The following PTPRT variants were observed in gnomAD, a reference collection of about 807,000 sequenced individuals.
PTPRT encodes protein tyrosine phosphatase receptor type T.
A neutral mutation model predicts 176.8 loss-of-function variants in PTPRT; 56 were observed. The ratio of observed to expected loss-of-function variants is 0.32; its 90% confidence interval spans 0.26 to 0.40. The LOEUF is 0.40. Among genes scored for constraint, PTPRT ranks in the 10% least tolerant of loss-of-function variants. The pLI, the probability that PTPRT is intolerant of heterozygous loss-of-function variation, is 1.00. For missense variants in PTPRT, 1,540 were observed against 1,908.2 expected, an observed-to-expected ratio of 0.81 and a Z score of 3.60; for synonymous variants, 783 against 739.0, an observed-to-expected ratio of 1.06 and a Z score of -0.96.
chr20:42,582,759 C>T (rs2073397577), intron 7 of PTPRT, among the ~76,000 whole-genome samples: 1 of 152,210 alleles, frequency 6.6e-6, no homozygotes, highest in African/African-American at 2.4e-5. Flanking sequence ...TCTCAGAGCT[C>T]GCCCAAAAAA....
intron 7 of PTPRT, among the ~76,000 whole-genome samples, chr20:42,671,431 G>T (rs1430110138): frequency 6.6e-6 from 1 of 152,172 alleles, no homozygotes; most frequent in Non-Finnish European, 1.5e-5. Flanking sequence ...TCCTATCACA[G>T]AAAGTCTGCT....
rs560572847 is a variant in PTPRT, at chr20:42,896,504, G to A, written c.89-10572C>T. 8.6e-5 allele frequency among the ~76,000 whole-genome samples: 13 copies of A among 152,014 alleles called. No individual in the cohort carries two copies. The East Asian group carries it at 9.7e-4, about 11-fold the overall frequency. Reference sequence around the variant, plus strand: ...TACAAAATTAGCCAGGCGTGGTGGCGCATGCCTGTAATTCCAGCTACTCGG... The same window carrying A: ...TACAAAATTAGCCAGGCGTGGTGGCACATGCCTGTAATTCCAGCTACTCGG... On this transcript the variant is annotated intron_variant, in intron 1 of 30. Coordinates refer to ENST00000373187, the MANE Select transcript of PTPRT (RefSeq NM_007050.6).
At chr20:43,188,818 G>A (rs1350870285) in intron 1 of PTPRT, among the ~76,000 whole-genome samples, 1 of 147,676 alleles carries the variant, frequency 6.8e-6, no homozygotes, top group Non-Finnish European at 1.5e-5. Context: ...ACCCTGGACT[G>A]TGGTGCCCTC....
At chr20:42,711,323 T>C (rs1375798454) in intron 6 of PTPRT, among the ~76,000 whole-genome samples, 1 of 151,700 alleles carries the variant, frequency 6.6e-6, no homozygotes, top group Non-Finnish European at 1.5e-5. Flanking sequence ...TGTTGAAAAG[T>C]AATCCCCAGT....
chr20:42,983,555 G>T (rs1414703924), intron 1 of PTPRT, among the ~76,000 whole-genome samples: 1 of 152,174 alleles, frequency 6.6e-6, no homozygotes, highest in Non-Finnish European at 1.5e-5. Flanking sequence ...TCCAAGCTGG[G>T]CACATGACAC....
At chr20:42,510,216 C>T (rs188120520) in intron 7 of PTPRT, among the ~76,000 whole-genome samples, 25 of 152,152 alleles carry the variant, frequency 1.6e-4, no homozygotes, top group African/African-American at 6.0e-4. Flanking sequence ...GTTGTGTTTC[C>T]AATACCTAAC....
chr20:42,858,481 G>T (rs1022763803), intron 2 of PTPRT, among the ~76,000 whole-genome samples: 1 of 152,154 alleles, frequency 6.6e-6, no homozygotes, highest in Non-Finnish European at 1.5e-5. Flanking sequence ...CCAAGGTGAT[G>T]GTATTAAGCG....
intron 1 of PTPRT, among the ~76,000 whole-genome samples, chr20:43,046,813 T>C (rs1344478140): frequency 6.6e-6 from 1 of 152,138 alleles, no homozygotes; most frequent in Non-Finnish European, 1.5e-5. Flanking sequence ...ATACAAGCTC[T>C]GCTATTGATG....
chr20:42,165,475 T>C (rs539976491), intron 16 of PTPRT, among the ~76,000 whole-genome samples: 27 of 152,150 alleles, frequency 1.8e-4, no homozygotes, highest in Non-Finnish European at 4.0e-4. Flanking sequence ...GCCATGGGGT[T>C]TGGCAATCTG....
At chr20:42,567,922 T>A (rs913166435) in intron 7 of PTPRT, among the ~76,000 whole-genome samples, 1 of 152,144 alleles carries the variant, frequency 6.6e-6, no homozygotes, top group Admixed American at 6.5e-5. Context: ...ATGCCATCTG[T>A]TGAACACCCA....
chr20:42,425,955 G>A (rs957171278), intron 9 of PTPRT, among the ~76,000 whole-genome samples: 3 of 152,158 alleles, frequency 2.0e-5, no homozygotes, highest in African/African-American at 7.2e-5. Flanking sequence ...GAACATAGAG[G>A]TGGAAAAAGC....
At chr20:43,168,533 G>A (rs1440599576) in intron 1 of PTPRT, among the ~76,000 whole-genome samples, 3 of 152,190 alleles carry the variant, frequency 2.0e-5, no homozygotes, top group African/African-American at 4.8e-5. Flanking sequence ...TTCCCATGCT[G>A]ATATGAATCT....
chr20:42,497,632 C>T (rs982204470), intron 7 of PTPRT, among the ~76,000 whole-genome samples: 1 of 151,970 alleles, frequency 6.6e-6, no homozygotes, highest in Admixed American at 6.6e-5. Context: ...ATTAACAAGC[C>T]ACCCTTTGCT....
intron 6 of PTPRT, among the ~76,000 whole-genome samples, chr20:42,735,771 C>T (rs952642624): frequency 1.2e-4 from 19 of 152,152 alleles, no homozygotes; most frequent in African/African-American, 3.4e-4. Flanking sequence ...TGGGGCTTCT[C>T]GTGCCTCTCT....
intron 7 of PTPRT, among the ~76,000 whole-genome samples, chr20:42,554,974 C>T (rs1275467237): frequency 6.6e-6 from 1 of 152,142 alleles, no homozygotes; most frequent in Non-Finnish European, 1.5e-5. Flanking sequence ...TGCAATTTTT[C>T]AGGAAAGTAT....
chr20:42,188,992 C>CA (rs1298165454), intron 16 of PTPRT, among the ~76,000 whole-genome samples: 3 of 152,158 alleles, frequency 2.0e-5, no homozygotes. Flanking sequence ...AGCTGGGTTC[C>CA]AAAATCACAC....
rs556674333 is a variant in PTPRT at position 42,837,819 on chromosome 20, A to G, written c.215-46353T>C. On this transcript the variant is annotated intron_variant, in intron 2 of 30. Coordinates refer to ENST00000373187, the MANE Select transcript of PTPRT (RefSeq NM_007050.6). The stretch of plus-strand genomic sequence containing the variant: ...GATGGTATCCTGGTGGCAAAGGAGA[A>G]AATAGAATAATTTCAGCAGACATTT... Among the ~76,000 whole-genome samples the G allele has an allele frequency of 1.1e-3, 173 of 152,260 alleles. 3 individuals are homozygous for G. Among genetic ancestry groups the G allele is most frequent in the Non-Finnish European group, 3.7e-4 (25 of 68,010 alleles).
intron 22 of PTPRT, 118 bp from the exon 23 acceptor site, chr20:42,110,605 G>GTGT: frequency 9.0e-7 from 1 of 1,114,966 alleles, no homozygotes; most frequent in Admixed American, 2.7e-5. Context: ...GGCCCTCACA[G>GTGT]TGTTTGTTAA....
intron 2 of PTPRT, among the ~76,000 whole-genome samples, chr20:42,846,892 G>A (rs2078382596): frequency 6.6e-6 from 1 of 152,192 alleles, no homozygotes; most frequent in Non-Finnish European, 1.5e-5. Context: ...CCCTAGTGCT[G>A]TGGTAGAAAA....
Sources: gnomAD v4.1 joint callset for allele counts (sites outside exome capture counted in the v4.1 genomes callset) on GRCh38, gnomAD v4.1.1 for gene constraint, MANE v1.5 for transcripts, NCBI Gene and HGNC (gene_info 2026-07-23, HGNC 2026-07-21) for gene names.